Variants in PCCA observed in about 807,000 individuals in gnomAD.
PCCA encodes propionyl-CoA carboxylase alpha chain, mitochondrial.
Under a neutral mutation model 101.3 loss-of-function variants are expected in PCCA, and 74 were observed. The ratio of observed to expected loss-of-function variants is 0.73; its 90% CI spans 0.61 to 0.89. The LOEUF is 0.89. Ranked by LOEUF, PCCA falls within the 40% of genes least tolerant of loss-of-function variation. PCCA has a pLI of 0.00. For synonymous variants in PCCA, 294 were observed against 313.6 expected (o/e 0.94, Z 0.66); for missense variants, 891 against 907.0 (o/e 0.98, Z 0.23).
chr13:100,360,570 T>G (rs1188488834), intron 18 of PCCA, among the ~76,000 whole-genome samples: 1 of 152,220 alleles, frequency 6.6e-6, no homozygotes, highest in African/African-American at 2.4e-5. Context: ...ATTAGTGAGT[T>G]AGATTTTGTT....
chr13:100,179,387 TA>T (rs928077896), intron 6 of PCCA, among the ~76,000 whole-genome samples: 42 of 152,246 alleles, frequency 2.8e-4, no homozygotes, highest in African/African-American at 1.0e-3. Context: ...AAAAAAAGAC[TA>T]AAATGTACAG....
intron 7 of PCCA, among the ~76,000 whole-genome samples, chr13:100,229,926 C>T (rs2060364834): frequency 6.6e-6 from 1 of 152,180 alleles, no homozygotes; most frequent in Non-Finnish European, 1.5e-5. Flanking sequence ...GCCCTGAACC[C>T]CTGCCTTTGG....
intron 20 of PCCA, among the ~76,000 whole-genome samples, chr13:100,442,028 C>G (rs2080411849): frequency 1.4e-5 from 2 of 141,938 alleles, no homozygotes; most frequent in Non-Finnish European, 3.0e-5. Flanking sequence ...GAGTCTTGCT[C>G]TGTCACTCAG....
intron 7 of PCCA, among the ~76,000 whole-genome samples, chr13:100,214,528 G>A (rs369629036): frequency 1.3e-5 from 2 of 151,732 alleles, no homozygotes; most frequent in African/African-American, 2.4e-5. Context: ...GGGTTCAAGC[G>A]ATTCTCCTGC....
chr13:100,287,932 G>A (rs1484424420), intron 12 of PCCA, among the ~76,000 whole-genome samples: 7 of 152,072 alleles, frequency 4.6e-5, no homozygotes, highest in African/African-American at 9.7e-5. Context: ...GATGCAAACC[G>A]TTTGATACCT....
Position 100,301,530 on chromosome 13 carries a change from G to A in PCCA, c.1136G>A (p.Gly379Asp). ...LVQEMIRVAK[G>D]YPLRHKQADI... ...CAGGAAATGATCCGTGTTGCTAAGG[G>A]CTACCCTCTCAGGCACAAACAAGCT... Residue 379 changes from glycine to aspartate, a missense_variant, in exon 13 of 24, where the codon GGC becomes GAC. Gly to Asp is a moderately conservative substitution (Grantham distance 94). Transcript: ENST00000376285. The A allele has an allele frequency of 1.2e-6, 2 of 1,614,052 alleles. No individual in the cohort carries two copies. Among genetic ancestry groups the A allele is most frequent in the Non-Finnish European group, 1.7e-6 (2 of 1,179,940 alleles).
intron 4 of PCCA, among the ~76,000 whole-genome samples, chr13:100,118,652 G>A (rs768980812): frequency 6.6e-6 from 1 of 151,900 alleles, no homozygotes; most frequent in Non-Finnish European, 1.5e-5. Context: ...GGGCACAAGC[G>A]ATCCTCCCAC....
intron 18 of PCCA, among the ~76,000 whole-genome samples, chr13:100,342,618 C>CT (rs1344448842): frequency 1.3e-5 from 2 of 151,980 alleles, no homozygotes; most frequent in African/African-American, 4.8e-5. Context: ...TCAGACGACT[C>CT]TATCTTTACA....
chr13:100,448,169 A>G (rs2080972690), intron 20 of PCCA, among the ~76,000 whole-genome samples: 1 of 152,140 alleles, frequency 6.6e-6, no homozygotes, highest in Non-Finnish European at 1.5e-5. Flanking sequence ...CGTTAGGATT[A>G]AGTAGAGCAA....
intron 19 of PCCA, among the ~76,000 whole-genome samples, chr13:100,388,998 G>T (rs2076665912): frequency 6.6e-6 from 1 of 152,156 alleles, no homozygotes. Flanking sequence ...TGTTTATTGA[G>T]TACCTTTTAT....
At chr13:100,297,530 A>G (rs535339438) in intron 12 of PCCA, among the ~76,000 whole-genome samples, 12 of 152,214 alleles carry the variant, frequency 7.9e-5, no homozygotes, top group Non-Finnish European at 1.3e-4. Context: ...TGCATTTGAC[A>G]AGCTTGGTTA....
chr13:100,276,356 G>A (rs1023445113), intron 12 of PCCA, among the ~76,000 whole-genome samples: 1 of 151,228 alleles, frequency 6.6e-6, no homozygotes, highest in Non-Finnish European at 1.5e-5. Context: ...GGACATAATT[G>A]ATTTTTCCTT....
intron 1 of PCCA, among the ~76,000 whole-genome samples, chr13:100,095,264 C>G (rs2046665393): frequency 6.6e-6 from 1 of 152,136 alleles, no homozygotes; most frequent in Non-Finnish European, 1.5e-5. Flanking sequence ...TCTCAAGATC[C>G]TTCACTTTGT....
chr13:100,290,036 T>C (rs2065007255), intron 12 of PCCA, among the ~76,000 whole-genome samples: 1 of 152,208 alleles, frequency 6.6e-6, no homozygotes, highest in Non-Finnish European at 1.5e-5. Context: ...ACTGTTTTGA[T>C]TGAATACAGG....
At chr13:100,460,218 G>A (rs990838155) in intron 21 of PCCA, among the ~76,000 whole-genome samples, 6 of 152,154 alleles carry the variant, frequency 3.9e-5, no homozygotes, top group East Asian at 1.9e-4. Context: ...CAAAGAAATC[G>A]AAGAGAGCTG....
intron 6 of PCCA, among the ~76,000 whole-genome samples, chr13:100,194,412 A>G (rs1459569238): frequency 6.6e-6 from 1 of 151,740 alleles, no homozygotes; most frequent in African/African-American, 2.4e-5. Flanking sequence ...AAGTTGTAAA[A>G]TTATTATTAT....
chr13:100,247,348 T>A (rs2061498328), intron 8 of PCCA, among the ~76,000 whole-genome samples: 1 of 150,078 alleles, frequency 6.7e-6, no homozygotes, highest in Non-Finnish European at 1.5e-5. Flanking sequence ...TCCCAAGTAG[T>A]TGGGACTACA....
rs1203772100 is a variant in PCCA, at chr13:100,225,793, T to C, written c.601-10049T>C. 2.7e-5 allele frequency among the ~76,000 whole-genome samples: 4 copies of C among 150,128 alleles called. No homozygotes were observed. In the East Asian group the frequency reaches 7.8e-4, roughly 29 times the overall value. On this transcript the variant is annotated intron_variant, in intron 7 of 23. Transcript: ENST00000376285. ...AAAAGTGTACTAAATTTTAGAAAGC[T>C]TTTTTTTTTCTTTGAGACGAAGAGT...
In PCCA at chr13:100,389,718, A is replaced by G. The variant is rs2076710791; in HGVS notation, c.1746+21144A>G. Among the ~76,000 whole-genome samples, 2 of 152,192 alleles carry G rather than the reference A, an allele frequency of 1.3e-5. 1 individual carries two copies. The highest frequency in any genetic ancestry group is 2.9e-5 in the Non-Finnish European group (2 of 68,028). On this transcript the variant is annotated intron_variant, in intron 19 of 23. Coordinates refer to ENST00000376285, the MANE Select transcript of PCCA (RefSeq NM_000282.4). ...GTCTGAAGCAAGAGAGAAGTTGTGT[A>G]TGACTGCAGCACAGAAAGCTTGAAG...
Sources: gnomAD v4.1 joint callset for allele counts (sites outside exome capture counted in the v4.1 genomes callset) on GRCh38, gnomAD v4.1.1 for gene constraint, MANE v1.5 for transcripts, NCBI Gene and HGNC (gene_info 2026-07-23, HGNC 2026-07-21) for gene names.